The following EBF4 variants were observed in gnomAD, a reference collection of about 807,000 sequenced individuals.
EBF4 encodes EBF transcription factor 4.
In EBF4, 34 loss-of-function variants were observed where a neutral mutation model predicts 67.1. The ratio of observed to expected loss-of-function variants is 0.51; its 90% CI spans 0.39 to 0.67. The LOEUF (loss-of-function observed/expected upper bound fraction) is 0.67, where lower values mean the gene tolerates loss of function less well. Ranked by LOEUF, EBF4 falls within the 30% of genes least tolerant of loss-of-function variation. The probability of loss-of-function intolerance (pLI) is 0.00; values close to 1 mark genes in which losing one functional copy is unlikely to be tolerated. For missense variants in EBF4, 837 were observed against 873.3 expected (o/e 0.96, Z 0.52); for synonymous variants, 387 against 377.7 (o/e 1.02, Z -0.29).
chr20:2,709,750 C>T (rs575863537), intron 6 of EBF4, 108 bp downstream of exon 6: 13 of 1,157,446 alleles, frequency 1.1e-5, no homozygotes, highest in Middle Eastern at 2.2e-4. Context: ...GCAGCCCCCC[C>T]GGGGCACCAG....
At chr20:2,710,735 A>G (rs2087531625) in intron 6 of EBF4, among the ~76,000 whole-genome samples, 1 of 152,178 alleles carries the variant, frequency 6.6e-6, no homozygotes, top group Non-Finnish European at 1.5e-5. Flanking sequence ...ATTCCCCACC[A>G]AATAAGCTAC....
At chr20:2,753,247 C>T (rs920499934) in intron 14 of EBF4, among the ~76,000 whole-genome samples, 2 of 152,190 alleles carry the variant, frequency 1.3e-5, no homozygotes, top group Admixed American at 6.5e-5. Context: ...TGTGTGATTT[C>T]GGAGTCCCAG....
chr20:2,737,139 A>G (rs541192630), intron 6 of EBF4, among the ~76,000 whole-genome samples: 9 of 151,444 alleles, frequency 5.9e-5, no homozygotes, highest in Admixed American at 4.0e-4. Flanking sequence ...AGTCCCAGCT[A>G]CTCGGGAGGC....
chr20:2,742,822 G>T (rs1010879556), intron 6 of EBF4, among the ~76,000 whole-genome samples: 4 of 152,168 alleles, frequency 2.6e-5, no homozygotes, highest in African/African-American at 4.8e-5. Flanking sequence ...CTTTAGAGGT[G>T]GGGGGTGGTT....
intron 6 of EBF4, among the ~76,000 whole-genome samples, chr20:2,730,057 C>A (rs1437974904): frequency 2.0e-5 from 3 of 152,204 alleles, no homozygotes; most frequent in African/African-American, 7.2e-5. Flanking sequence ...GAATAACCAC[C>A]CCTGGCATTT....
At chr20:2,722,771 ATGTTT>A (rs931063245) in intron 6 of EBF4, among the ~76,000 whole-genome samples, 2 of 152,054 alleles carry the variant, frequency 1.3e-5, no homozygotes, top group South Asian at 2.1e-4. Context: ...TTCATCTGGT[ATGTTT>A]TGTTTTGTTT....
At position 2,696,896 on chromosome 20, in the gene EBF4, C is replaced by T. The variant is rs1239348031; in HGVS notation, c.137+3114C>T. ...TCCTCCTTGCCCTGCCAGCTGGGGC[C>T]TTCCCCTAAGGCAAGGGTAGCGGTC... is the stretch of plus-strand genomic sequence containing the variant. On this transcript the variant is annotated intron_variant, in intron 1 of 16. Coordinates refer to ENST00000609451, the Ensembl canonical transcript of EBF4. This position sits in a 1 kb window ranked among gnomAD's most constrained non-coding sequence, Gnocchi z 4.7. Among the ~76,000 whole-genome samples, 4 of 152,196 alleles carry T rather than the reference C, an allele frequency of 2.6e-5. No homozygotes were observed. Among genetic ancestry groups the T allele is most frequent in the Non-Finnish European group, 4.4e-5 (3 of 68,038 alleles).
intron 6 of EBF4, among the ~76,000 whole-genome samples, chr20:2,721,302 T>C (rs1465029184): frequency 1.3e-5 from 2 of 151,300 alleles, no homozygotes; most frequent in East Asian, 1.9e-4. Flanking sequence ...TGAATAGTTT[T>C]AACTGTTATG....
chr20:2,702,506 AAGTC>A (rs1402389942), intron 1 of EBF4, among the ~76,000 whole-genome samples: 1 of 152,030 alleles, frequency 6.6e-6, no homozygotes, highest in African/African-American at 2.4e-5. Context: ...TCTGCCTCCT[AAGTC>A]AGCATTTCAT....
rs1420581548 is a variant in EBF4 at position 2,751,313 on chromosome 20, TATA to T, written c.1019-382_1019-380del. 6.6e-6 allele frequency among the ~76,000 whole-genome samples: 1 copy of T among 152,198 alleles called. No homozygotes were observed. Among genetic ancestry groups the T allele is most frequent in the East Asian group, 1.9e-4 (1 of 5,202 alleles). ...GGAGATTGTTAAGTTTTTTCTTTTT[TATA>T]ATAAACTCCTGATTTGACCAGATGA... On this transcript the variant is annotated intron_variant, in intron 10 of 16. Coordinates refer to ENST00000609451, the Ensembl canonical transcript of EBF4. This position sits in a 1 kb window ranked among gnomAD's most constrained non-coding sequence, Gnocchi z 5.2.
intron 1 of EBF4, among the ~76,000 whole-genome samples, chr20:2,697,129 A>G (rs2087301017): frequency 6.6e-6 from 1 of 152,210 alleles, no homozygotes; most frequent in African/African-American, 2.4e-5. Context: ...CCAGTTCTAC[A>G]GCTTGACTTT....
chr20:2,735,415 T>G (rs999811793), intron 6 of EBF4, among the ~76,000 whole-genome samples: 1 of 152,230 alleles, frequency 6.6e-6, no homozygotes, highest in African/African-American at 2.4e-5. Context: ...CTTTCTGTTC[T>G]TATTACAACT....
intron 6 of EBF4, among the ~76,000 whole-genome samples, chr20:2,731,568 G>C (rs1489544434): frequency 6.6e-6 from 1 of 152,174 alleles, no homozygotes; most frequent in Non-Finnish European, 1.5e-5. Context: ...CCTCAACCTA[G>C]GTAAGACTCA....
intron 15 of EBF4, among the ~76,000 whole-genome samples, chr20:2,757,858 G>A (rs994014176): frequency 5.9e-5 from 9 of 152,230 alleles, no homozygotes; most frequent in Non-Finnish European, 1.0e-4. Context: ...GAGGTGGGAG[G>A]ATCACTTGAG....
intron 6 of EBF4, among the ~76,000 whole-genome samples, chr20:2,721,466 T>C (rs961156479): frequency 2.0e-5 from 3 of 151,824 alleles, no homozygotes; most frequent in Admixed American, 2.0e-4. Context: ...CTAAGTTTCT[T>C]TTTTTTTAGA....
intron 5 of EBF4, among the ~76,000 whole-genome samples, chr20:2,709,195 GA>G (rs1198331122): frequency 6.6e-6 from 1 of 151,940 alleles, no homozygotes; most frequent in Non-Finnish European, 1.5e-5. Flanking sequence ...TCAAAAAAAA[GA>G]AAAAAAGATT....
rs1265199518 is a variant in EBF4, at chr20:2,696,257, A to G, written c.137+2475A>G. Reference sequence around the variant, plus strand: ...GAGGCCAAGGTGGGCGTTTCACTTGAGGCCAGGAGTTCGAGACCAGCCTAG... The same window carrying G: ...GAGGCCAAGGTGGGCGTTTCACTTGGGGCCAGGAGTTCGAGACCAGCCTAG... On this transcript the variant is annotated intron_variant, in intron 1 of 16. Coordinates refer to ENST00000609451, the Ensembl canonical transcript of EBF4. This position sits in a 1 kb window ranked among gnomAD's most constrained non-coding sequence, Gnocchi z 4.7. 1.3e-5 allele frequency among the ~76,000 whole-genome samples: 2 copies of G among 152,190 alleles called. No homozygotes were observed. The highest frequency in any genetic ancestry group is 3.8e-4 in the East Asian group (2 of 5,198).
chr20:2,749,490 C>A (rs1181612062), exon 8 of EBF4: 4 of 1,548,268 alleles, frequency 2.6e-6, no homozygotes. Context: ...AGCATGGCCG[C>A]AGGGCGCGCC....
intron 6 of EBF4, among the ~76,000 whole-genome samples, chr20:2,728,372 C>T (rs1193231821): frequency 6.6e-6 from 1 of 152,186 alleles, no homozygotes; most frequent in African/African-American, 2.4e-5. Flanking sequence ...AGCATCTCGT[C>T]ATCCTGGCTT....
Sources: allele counts gnomAD v4.1 joint callset (sites outside exome capture counted in the v4.1 genomes callset), GRCh38; gene constraint gnomAD v4.1.1; non-coding constraint Gnocchi (gnomAD v3.1); transcripts MANE v1.5; gene names NCBI Gene and HGNC (gene_info 2026-07-23, HGNC 2026-07-21).